LYPD6: variants seen among roughly 807,000 people sequenced by gnomAD.
LYPD6 encodes LY6/PLAUR domain containing 6, also known as ly6/PLAUR domain-containing protein 6.
In LYPD6, 15 loss-of-function variants were observed where a neutral mutation model predicts 22.7. The ratio of observed to expected loss-of-function variants is 0.66; its 90% CI spans 0.44 to 1.02. LYPD6 has a LOEUF of 1.02. Among genes scored for constraint, LYPD6 ranks in the 50% least tolerant of loss-of-function variants. LYPD6 has a pLI of 0.00. For synonymous variants in LYPD6, 72 were observed against 77.5 expected, an observed-to-expected ratio of 0.93 and a Z score of 0.37; for missense variants, 189 against 208.4, an observed-to-expected ratio of 0.91 and a Z score of 0.57.
chr2:149,339,502 A>G (rs752607494), intron 1 of LYPD6, among the ~76,000 whole-genome samples: 4 of 152,140 alleles, frequency 2.6e-5, no homozygotes, highest in Non-Finnish European at 5.9e-5. Context: ...CCAGCCTACC[A>G]ATTACAGTCA....
At chr2:149,436,668 C>G (rs749420272) in intron 1 of LYPD6, among the ~76,000 whole-genome samples, 34 of 152,160 alleles carry the variant, frequency 2.2e-4, no homozygotes, top group Non-Finnish European at 4.6e-4. Flanking sequence ...CAACCTCTGC[C>G]TCCCAGGTTT....
At chr2:149,447,270 G>A (rs982623253) in intron 2 of LYPD6, among the ~76,000 whole-genome samples, 7 of 152,132 alleles carry the variant, frequency 4.6e-5, no homozygotes, top group African/African-American at 9.7e-5. Flanking sequence ...GGGTGCCCGC[G>A]ACAGCCTCCA....
intron 1 of LYPD6, among the ~76,000 whole-genome samples, chr2:149,347,630 C>G (rs1352060799): frequency 6.6e-6 from 1 of 152,028 alleles, no homozygotes; most frequent in Non-Finnish European, 1.5e-5. Flanking sequence ...TGACAGATTC[C>G]TTTTTCATAT....
chr2:149,418,728 T>C lies in LYPD6; in HGVS notation c.-71-18910T>C, dbSNP rs1453992637. ...AGTGCGAGTACCCCAGAGCCCCAGGTTTCAATGTTTGCTTCCTTCTCTTCA... is the reference window on the plus strand; with the variant it reads ...AGTGCGAGTACCCCAGAGCCCCAGGCTTCAATGTTTGCTTCCTTCTCTTCA... On this transcript the variant is annotated intron_variant, in intron 1 of 4. Coordinates refer to ENST00000334166, the MANE Select transcript of LYPD6 (RefSeq NM_194317.5). 2.0e-5 allele frequency among the ~76,000 whole-genome samples: 3 copies of C among 152,128 alleles called. No individual in the cohort carries two copies. In the East Asian group the frequency reaches 5.8e-4, roughly 29 times the overall value.
downstream of LYPD6, among the ~76,000 whole-genome samples, chr2:149,475,437 T>A (rs887967466): frequency 3.5e-4 from 54 of 152,222 alleles, 1 homozygote; most frequent in Non-Finnish European, 2.2e-4. Flanking sequence ...ATGATTTTTT[T>A]AAAAAAATAT....
Position 149,420,784 on chromosome 2 carries a change from G to A in LYPD6, c.-71-16854G>A, listed in dbSNP as rs145584625. Among the ~76,000 whole-genome samples the A allele has an allele frequency of 1.2e-4, 19 of 152,272 alleles. No individual in the cohort carries two copies. The East Asian group carries it at 3.3e-3, about 26-fold the overall frequency. The stretch of plus-strand genomic sequence containing the variant: ...GGAATACATCGTACTGTGATTATGC[G>A]GGACTGCTAAGAGCCCCTTAACTGA... On this transcript the variant is annotated intron_variant, in intron 1 of 4. Coordinates refer to ENST00000334166, the MANE Select transcript of LYPD6 (RefSeq NM_194317.5).
rs370637322 is a variant in LYPD6, at chr2:149,330,658, G to C, written c.-136G>C. 4 of 151,850 alleles carry C rather than the reference G, an allele frequency of 2.6e-5. No individual in the cohort carries two copies. The highest frequency in any genetic ancestry group is 4.1e-4 in the South Asian group (2 of 4,822). 9.4% of individuals were successfully genotyped at this position (151,850 alleles called of 1,614,324 possible). On this transcript the variant is annotated 5_prime_UTR_variant, in exon 1 of 5. Coordinates refer to ENST00000334166, the MANE Select transcript of LYPD6 (RefSeq NM_194317.5). ...GCGCCGCATTGCACACTCTGGGGGC[G>C]CCGCAGTGTTCGTGGGATGGGGCAG...
At position 149,356,282 on chromosome 2, in the gene LYPD6, A is replaced by G. The variant is rs557374408; in HGVS notation, c.-72+25560A>G. Among the ~76,000 whole-genome samples the G allele has an allele frequency of 3.3e-5, 5 of 152,296 alleles. No individual in the cohort carries two copies. The South Asian group carries it at 8.3e-4, about 25-fold the overall frequency. ...CCTAGGGAAGAAAGCTCATTGGCCT[A>G]TCTTGGGACAGATATCAACATGGAC... On this transcript the variant is annotated intron_variant, in intron 1 of 4. Transcript: ENST00000334166.
chr2:149,402,982 T>C (rs980998346), intron 1 of LYPD6, among the ~76,000 whole-genome samples: 113 of 151,690 alleles, frequency 7.4e-4, no homozygotes, highest in African/African-American at 2.7e-3. Context: ...CATGCAGTGT[T>C]TGGTTTTTTG....
At chr2:149,330,313 C>A (rs1444645121), upstream of LYPD6, 1 of 151,832 alleles carries the variant, frequency 6.6e-6, no homozygotes, top group South Asian at 2.1e-4. Context: ...GGCGGGAGCG[C>A]GGCGCCCGGG....
At chr2:149,351,568 T>A (rs1271079832) in intron 1 of LYPD6, among the ~76,000 whole-genome samples, 1 of 152,090 alleles carries the variant, frequency 6.6e-6, no homozygotes, top group Non-Finnish European at 1.5e-5. Flanking sequence ...GGAGGAAGAT[T>A]GCGTGTTCAT....
At chr2:149,392,204 A>C (rs1166278834) in intron 1 of LYPD6, among the ~76,000 whole-genome samples, 1 of 152,090 alleles carries the variant, frequency 6.6e-6, no homozygotes, top group African/African-American at 2.4e-5. Context: ...GAACTCATCT[A>C]ACCCTAATCA....
At chr2:149,341,235 G>A (rs1223029109) in intron 1 of LYPD6, among the ~76,000 whole-genome samples, 1 of 152,122 alleles carries the variant, frequency 6.6e-6, no homozygotes, top group Non-Finnish European at 1.5e-5. Flanking sequence ...CTTTTTCTCA[G>A]TCAGGTGTGT....
At chr2:149,433,694 A>C (rs181220731) in intron 1 of LYPD6, among the ~76,000 whole-genome samples, 1 of 152,092 alleles carries the variant, frequency 6.6e-6, no homozygotes. Flanking sequence ...TTAGTTCCCT[A>C]TCTCACATGA....
intron 1 of LYPD6, among the ~76,000 whole-genome samples, chr2:149,413,478 GTTTA>G (rs1171231396): frequency 6.6e-6 from 1 of 152,182 alleles, no homozygotes; most frequent in Non-Finnish European, 1.5e-5. Flanking sequence ...CCACACTACA[GTTTA>G]TCTGGCCCGA....
chr2:149,409,330 G>A (rs1178967212), intron 1 of LYPD6, among the ~76,000 whole-genome samples: 1 of 152,180 alleles, frequency 6.6e-6, no homozygotes, highest in African/African-American at 2.4e-5. Flanking sequence ...TGTGGACTCT[G>A]AGGGTCCTTG....
chr2:149,470,834 T>A lies in LYPD6; in HGVS notation c.500T>A (p.Leu167Ter). ...ATAGTGTCCTGCTTGTGGTTGTGGTTAGGGCTCATGTTATAGTGGCTCAGT... is the reference window on the plus strand; with the variant it reads ...ATAGTGTCCTGCTTGTGGTTGTGGTAAGGGCTCATGTTATAGTGGCTCAGT... ...SVIVSCLWLW[L>*]GLML The change falls in exon 5 of 5, where the codon TTA (leucine) becomes TAA (stop). Residue 167 changes from leucine to a stop codon, truncating the protein, a stop_gained. Transcript: ENST00000334166. LOFTEE classifies it high-confidence loss of function. The A allele has an allele frequency of 6.2e-7, 1 of 1,613,056 alleles. No individual in the cohort carries two copies. The highest frequency in any genetic ancestry group is 8.5e-7 in the Non-Finnish European group (1 of 1,179,354).
intron 1 of LYPD6, among the ~76,000 whole-genome samples, chr2:149,407,918 ATG>A: frequency 6.6e-6 from 1 of 152,178 alleles, no homozygotes; most frequent in African/African-American, 2.4e-5. Flanking sequence ...TTTGGTGTGG[ATG>A]TCCTTTCTGT....
rs372179460 is a variant in LYPD6 at position 149,400,020 on chromosome 2, A to G, written c.-71-37618A>G. The stretch of plus-strand genomic sequence containing the variant: ...CCTCCAGCTGACAACCCACAGATGC[A>G]GGGTGGAAAAGCCTGTGTGACTGTC... On this transcript the variant is annotated intron_variant, in intron 1 of 4. Transcript: ENST00000334166. Among the ~76,000 whole-genome samples, 7 of 152,322 alleles carry G rather than the reference A, an allele frequency of 4.6e-5. No homozygotes were observed. In the East Asian group the frequency reaches 1.4e-3, roughly 29 times the overall value.
Sources: gnomAD v4.1 joint callset for allele counts (sites outside exome capture counted in the v4.1 genomes callset) on GRCh38, gnomAD v4.1.1 for gene constraint, MANE v1.5 for transcripts, NCBI Gene and HGNC (gene_info 2026-07-23, HGNC 2026-07-21) for gene names.